Variants in CALD1 observed in about 807,000 individuals in gnomAD.
The protein encoded by CALD1 is caldesmon 1, also known as caldesmon.
Under a neutral mutation model 99.9 loss-of-function variants are expected in CALD1, and 33 were observed. The ratio of observed to expected loss-of-function variants is 0.33; its 90% CI spans 0.25 to 0.44. CALD1 has a LOEUF of 0.44. CALD1 is among the 20% of genes least tolerant of loss of function. The probability of loss-of-function intolerance (pLI) is 1.00; values close to 1 mark genes in which losing one functional copy is unlikely to be tolerated. For missense variants in CALD1, 861 were observed against 962.1 expected (o/e 0.89, Z 1.39); for synonymous variants, 310 against 325.0 (o/e 0.95, Z 0.50).
intron 3 of CALD1, among the ~76,000 whole-genome samples, chr7:134,894,770 T>C (rs952418330): frequency 6.6e-6 from 1 of 152,240 alleles, no homozygotes; most frequent in African/African-American, 2.4e-5. Context: ...CCTACCAAGA[T>C]CACTGAGAGA....
intron 1 of CALD1, among the ~76,000 whole-genome samples, chr7:134,838,497 T>C (rs917272957): frequency 2.6e-5 from 4 of 152,180 alleles, no homozygotes; most frequent in Admixed American, 1.3e-4. Flanking sequence ...GATGGTGAAA[T>C]TGCATGGCAT....
At chr7:134,869,122 C>G (rs774336398) in intron 3 of CALD1, among the ~76,000 whole-genome samples, 151 of 151,890 alleles carry the variant, frequency 9.9e-4, no homozygotes, top group Non-Finnish European at 2.1e-3. Flanking sequence ...TAGTCATTAT[C>G]CTGCAATGGA....
chr7:134,956,208 A>T (rs1335980099), intron 9 of CALD1, among the ~76,000 whole-genome samples: 1 of 152,062 alleles, frequency 6.6e-6, no homozygotes, highest in African/African-American at 2.4e-5. Context: ...TAAAACTGTT[A>T]TTCAACTGAT....
At chr7:134,731,416 C>G in the CALD1 span, among the ~76,000 whole-genome samples, 1 of 152,180 alleles carries the variant, frequency 6.6e-6, no homozygotes, top group Admixed American at 6.5e-5. Flanking sequence ...CCATGGCATT[C>G]TTAATCCCTG....
At chr7:134,894,259 C>A (rs146104135) in intron 3 of CALD1, among the ~76,000 whole-genome samples, 1 of 152,240 alleles carries the variant, frequency 6.6e-6, no homozygotes, top group Non-Finnish European at 1.5e-5. Flanking sequence ...TGTCTAAATG[C>A]GTTCGGGGTA....
In CALD1 at chr7:134,903,142, T is replaced by C. The variant is rs960705680; in HGVS notation, c.72-25612T>C. ...ACTATGGAGACAGTAAAAAGATGAG[T>C]GGTTTCTAGGCACTAGGGCAAGAAG... On this transcript the variant is annotated intron_variant, in intron 3 of 14. Coordinates refer to ENST00000361675, the MANE Select transcript of CALD1 (RefSeq NM_033138.4). Among the ~76,000 whole-genome samples the C allele has an allele frequency of 1.4e-4, 21 of 151,944 alleles. 1 individual carries two copies. Among genetic ancestry groups the C allele is most frequent in the African/African-American group, 4.8e-4 (20 of 41,370 alleles).
At chr7:134,801,332 T>C (rs1359076775) in intron 1 of CALD1, among the ~76,000 whole-genome samples, 1 of 152,228 alleles carries the variant, frequency 6.6e-6, no homozygotes, top group Non-Finnish European at 1.5e-5. Context: ...TTCATTTTTT[T>C]TTAAAACAGC....
chr7:134,737,180 A>G, the CALD1 span, among the ~76,000 whole-genome samples: 1 of 152,352 alleles, frequency 6.6e-6, no homozygotes, highest in East Asian at 1.9e-4. Flanking sequence ...GCTGGAGTGC[A>G]GTGGCACTAT....
chr7:134,933,224 A>G lies in CALD1; in HGVS notation c.455A>G (p.Lys152Arg). The G allele has an allele frequency of 1.2e-6, 2 of 1,610,896 alleles. No homozygotes were observed. The highest frequency in any genetic ancestry group is 1.7e-6 in the Non-Finnish European group (2 of 1,179,078). ...AENETTEKEE[K>R]SESRQERYEI... ...AATGAAACTACCGAGAAGGAAGAAA[A>G]AAGTGAAAGTCGCCAAGAAAGATAC... Residue 152 changes from lysine (K) to arginine (R), a missense_variant, in exon 5 of 15, where the codon AAA becomes AGA. By Grantham distance (26) the Lys-to-Arg change is conservative (BLOSUM62 2). This residue lies in a region of CALD1 where 234 missense variants were observed against 233.1 expected (regional missense o/e 1.00). Transcript: ENST00000361675.
chr7:134,779,045 C>G (rs746449376), upstream of CALD1, among the ~76,000 whole-genome samples: 5 of 152,250 alleles, frequency 3.3e-5, no homozygotes, highest in Non-Finnish European at 5.9e-5. Flanking sequence ...TTAGTCTGCT[C>G]AGCAGACCCG....
chr7:134,821,683 A>G (rs1351250283), intron 1 of CALD1, among the ~76,000 whole-genome samples: 5 of 146,038 alleles, frequency 3.4e-5, no homozygotes, highest in Non-Finnish European at 7.5e-5. Context: ...CCCAGGTTCA[A>G]GTGATTCTCC....
chr7:134,947,954 C>G, intron 8 of CALD1, 185 bp downstream of exon 8: 1 of 652,696 alleles, frequency 1.5e-6, no homozygotes, highest in Admixed American at 3.0e-5. Flanking sequence ...AACTCGCTGA[C>G]CTAGGTACTA....
the CALD1 span, among the ~76,000 whole-genome samples, chr7:134,711,656 C>A: frequency 1.2e-3 from 82 of 68,138 alleles, 1 homozygote; most frequent in South Asian, 7.0e-3. Context: ...CTCTCTCTCT[C>A]TCTCTATATA....
chr7:134,735,563 CTCTGTGTGTGTGTG>C, the CALD1 span, among the ~76,000 whole-genome samples: 265 of 138,278 alleles, frequency 1.9e-3, 1 homozygote, highest in East Asian at 5.0e-3. Context: ...CCCCACTACC[CTCTGTGTGTGTGTG>C]TGTGTGTGTG....
intron 1 of CALD1, among the ~76,000 whole-genome samples, chr7:134,823,922 A>G (rs1403967547): frequency 6.6e-6 from 1 of 152,222 alleles, no homozygotes; most frequent in African/African-American, 2.4e-5. Flanking sequence ...TAAACCAAAT[A>G]TAAAGAACAT....
rs1797193001 is a variant in CALD1, at chr7:134,783,571, CTA to C, written c.-130+3824_-130+3825del. ...CTATGGGAGCGGGGTCGGGGGGAAA[CTA>C]TGACCTGGGCTGTGAGGGAGGGGTG... On this transcript the variant is annotated intron_variant, in intron 1 of 14. Coordinates refer to ENST00000361675, the MANE Select transcript of CALD1 (RefSeq NM_033138.4). The surrounding 1 kb of genome is among the most constrained non-coding windows in gnomAD (Gnocchi z 4.3). Among the ~76,000 whole-genome samples the C allele has an allele frequency of 6.6e-6, 1 of 152,126 alleles. No individual in the cohort carries two copies. Among genetic ancestry groups the C allele is most frequent in the African/African-American group, 2.4e-5 (1 of 41,444 alleles).
At chr7:134,747,658 A>T (rs1308300122) in intron 1 of CALD1, among the ~76,000 whole-genome samples, 1 of 152,156 alleles carries the variant, frequency 6.6e-6, no homozygotes, top group Admixed American at 6.5e-5. Context: ...CCTGCACTCC[A>T]TGCCTGTGCC....
chr7:134,948,236 T>TA (rs1563124421), intron 8 of CALD1: 1 of 156,706 alleles, frequency 6.4e-6, no homozygotes, highest in Non-Finnish European at 1.4e-5. Context: ...TTTTTTTTTT[T>TA]AATGAGCAAG....
At chr7:134,850,567 T>C (rs1402894622) in intron 2 of CALD1, among the ~76,000 whole-genome samples, 2 of 152,236 alleles carry the variant, frequency 1.3e-5, no homozygotes, top group Non-Finnish European at 2.9e-5. Flanking sequence ...TAGTAAGTGC[T>C]ACATAACTGT....
Sources: gnomAD v4.1 joint callset for allele counts (sites outside exome capture counted in the v4.1 genomes callset) on GRCh38, gnomAD v4.1.1 for gene constraint, gnomAD v4.1.1 regional missense constraint, Gnocchi (gnomAD v3.1) non-coding constraint, MANE v1.5 for transcripts, NCBI Gene and HGNC (gene_info 2026-07-23, HGNC 2026-07-21) for gene names.